The following MLH3 variants were observed in gnomAD, a reference collection of about 807,000 sequenced individuals.
The protein encoded by MLH3 is mutL homolog 3.
Under a neutral mutation model 122.2 loss-of-function variants are expected in MLH3, and 82 were observed. That is an observed-to-expected ratio of 0.67 (90% confidence interval 0.56 to 0.81). The LOEUF is 0.81. MLH3 is among the 30% of genes least tolerant of loss of function. The probability of loss-of-function intolerance (pLI) is 0.00; values close to 1 mark genes in which losing one functional copy is unlikely to be tolerated. For missense variants in MLH3, 1,539 were observed against 1,714.5 expected (o/e 0.90, Z 1.81); for synonymous variants, 524 against 599.5 (o/e 0.87, Z 1.84).
intron 9 of MLH3, among the ~76,000 whole-genome samples, chr14:75,030,037 C>T (rs1408600570): frequency 2.6e-5 from 4 of 151,902 alleles, no homozygotes; most frequent in Non-Finnish European, 5.9e-5. Context: ...GTCTGTAGTC[C>T]GAGTTACTTG....
chr14:75,047,183 G>C lies in MLH3; in HGVS notation c.2473C>G (p.Leu825Val). 6.2e-7 allele frequency: 1 copy of C among 1,614,092 alleles called. No homozygotes were observed. The highest frequency in any genetic ancestry group is 8.5e-7 in the Non-Finnish European group (1 of 1,179,952). ...DSSCQPASHI[L>V]NSEKFPFSKD... ...GAGAATGGAAACTTCTCTGAGTTAAGGATGTGGCTTGCTGGTTGACAACTA... is the reference window on the plus strand; with the variant it reads ...GAGAATGGAAACTTCTCTGAGTTAACGATGTGGCTTGCTGGTTGACAACTA... Residue 825 changes from leucine to valine, a missense_variant, in exon 2 of 13, where the codon CTT (leucine) becomes GTT (valine). By Grantham distance (32) the Leu-to-Val change is conservative. Transcript: ENST00000355774.
Position 75,018,927 on chromosome 14 carries a change from C to A in MLH3, c.4144G>T (p.Glu1382Ter). ...GGCAGCTGGCATGAGGACAGAGCTT[C>A]AATAAGGCGGCAACTTTCCTGTAAG... ...LSLQESCRLI[E>*]ALSSCQLPFQ... Residue 1382 changes from glutamate (E) to a stop codon, truncating the protein, a stop_gained, in exon 12 of 13, where the codon GAA becomes TAA. Coordinates refer to ENST00000355774, the MANE Select transcript of MLH3 (RefSeq NM_001040108.2). LOFTEE classifies it high-confidence loss of function. 2.5e-6 allele frequency: 4 copies of A among 1,614,134 alleles called. No individual in the cohort carries two copies. The highest frequency in any genetic ancestry group is 3.4e-6 in the Non-Finnish European group (4 of 1,180,024).
At chr14:75,027,838 G>C (rs1890759921) in intron 9 of MLH3, among the ~76,000 whole-genome samples, 1 of 152,056 alleles carries the variant, frequency 6.6e-6, no homozygotes, top group South Asian at 2.1e-4. Context: ...TAAAGTACTA[G>C]ACAGCAACAT....
At chr14:75,031,194 T>C (rs1891024214) in intron 8 of MLH3, among the ~76,000 whole-genome samples, 1 of 152,218 alleles carries the variant, frequency 6.6e-6, no homozygotes. Context: ...ACCTGAAACA[T>C]ATTGGGAGAA....
chr14:75,051,445 T>A lies in MLH3; in HGVS notation c.-129A>T, dbSNP rs1329680102. ...CGGACGCCGACGCGCGCACCTTGGATCTTGAGGCTCGTGCGTGCCCACGAG... is the reference window on the plus strand; with the variant it reads ...CGGACGCCGACGCGCGCACCTTGGAACTTGAGGCTCGTGCGTGCCCACGAG... On this transcript the variant is annotated 5_prime_UTR_variant, in exon 1 of 13. Transcript: ENST00000355774. 1.3e-5 allele frequency: 2 copies of A among 152,154 alleles called. No homozygotes were observed. Among genetic ancestry groups the A allele is most frequent in the African/African-American group, 4.8e-5 (2 of 41,452 alleles). 9.4% of individuals were successfully genotyped at this position (152,154 alleles called of 1,614,324 possible).
chr14:75,025,332 T>C (rs1396274515), intron 9 of MLH3, among the ~76,000 whole-genome samples: 1 of 152,212 alleles, frequency 6.6e-6, no homozygotes, highest in Non-Finnish European at 1.5e-5. Context: ...CAGGAAATGA[T>C]TCCACAAGAC....
chr14:75,018,240 G>C (rs1890030424), intron 12 of MLH3, among the ~76,000 whole-genome samples: 1 of 152,196 alleles, frequency 6.6e-6, no homozygotes, highest in African/African-American at 2.4e-5. Flanking sequence ...TTATAACAAG[G>C]ACAGAAGTTC....
chr14:75,022,937 C>A (rs753431556), intron 10 of MLH3, 45 bp from the exon 11 acceptor site: 2 of 1,613,652 alleles, frequency 1.2e-6, no homozygotes, highest in Non-Finnish European at 1.7e-6. Context: ...AACGGAACAA[C>A]GAAGCCTTTT....
At chr14:75,018,714 G>T in intron 12 of MLH3, 115 bp downstream of exon 12, 2 of 1,197,916 alleles carry the variant, frequency 1.7e-6, no homozygotes, top group Non-Finnish European at 2.5e-6. Flanking sequence ...TGCAGATTTT[G>T]CAAAACTCTC....
chr14:75,023,538 A>C (rs1322285528), intron 9 of MLH3, among the ~76,000 whole-genome samples: 1 of 152,206 alleles, frequency 6.6e-6, no homozygotes, highest in African/African-American at 2.4e-5. Flanking sequence ...CCTTCAGGTC[A>C]GAAAGTTTAT....
intron 6 of MLH3, among the ~76,000 whole-genome samples, chr14:75,036,360 T>A (rs984357610): frequency 2.2e-4 from 33 of 151,870 alleles, no homozygotes; most frequent in Admixed American, 6.6e-4. Context: ...TTTATTTTAT[T>A]TTTTTGACAG....
intron 9 of MLH3, among the ~76,000 whole-genome samples, chr14:75,023,944 T>A (rs780487106): frequency 3.3e-5 from 5 of 152,186 alleles, no homozygotes; most frequent in Non-Finnish European, 5.9e-5. Flanking sequence ...CTATATTACA[T>A]ATAATTTAAA....
chr14:75,042,015 A>G (rs1891889516), intron 3 of MLH3, among the ~76,000 whole-genome samples: 1 of 152,216 alleles, frequency 6.6e-6, no homozygotes. Context: ...TACCTTATCT[A>G]TTTTTAAACA....
chr14:75,048,197 G>A lies in MLH3; in HGVS notation c.1459C>T (p.His487Tyr), dbSNP rs751198189. The A allele has an allele frequency of 6.2e-7, 1 of 1,613,522 alleles. No individual in the cohort carries two copies. The highest frequency in any genetic ancestry group is 8.5e-7 in the Non-Finnish European group (1 of 1,179,824). The change falls in exon 2 of 13, where the codon CAT becomes TAT. Residue 487 changes from histidine (H) to tyrosine (Y), a missense_variant. Transcript: ENST00000355774. Reference protein sequence around the residue: ...VASEAGENEKHKKSFLEHSSL... With the variant: ...VASEAGENEKYKKSFLEHSSL... ...CTATGTTCCAGGAAAGATTTTTTAT[G>A]TTTCTCATTTTCTCCAGCTTCTGAT...
rs1243217429 is a variant in MLH3, at chr14:75,032,102, T to C, written c.3793A>G (p.Ile1265Val). The change falls in exon 8 of 13, where the codon ATA (isoleucine) becomes GTA (valine). Residue 1265 changes from isoleucine to valine, a missense_variant. Ile to Val is a conservative substitution (Grantham distance 29). Coordinates refer to ENST00000355774, the MANE Select transcript of MLH3 (RefSeq NM_001040108.2). ...CTCCTTTGTTCCTCTGTCACTGTTA[T>C]CTCTAGCGGAGGAATTAGAGTAGAA... ...LSSTLIPPLE[I>V]TVTEEQRRLL... 2.5e-6 allele frequency: 4 copies of C among 1,613,252 alleles called. No homozygotes were observed. The highest frequency in any genetic ancestry group is 4.5e-5 in the East Asian group (2 of 44,884).
Position 75,046,435 on chromosome 14 carries a change from A to G in MLH3, c.3221T>C (p.Ile1074Thr). The change falls in exon 2 of 13, where the codon ATT becomes ACT. Residue 1074 changes from isoleucine to threonine, a missense_variant. By Grantham distance (89) the Ile-to-Thr change is moderately conservative (BLOSUM62 -1). Transcript: ENST00000355774. ...LSTFIAPTEDIQAACTKDLTT... is the reference protein window; with the variant it reads ...LSTFIAPTEDTQAACTKDLTT... Reference sequence around the variant, plus strand: ...CAGGTCTTTAGTACAAGCAGCCTGAATGTCCTCAGTTGGGGCAATGAATGT... The same window carrying G: ...CAGGTCTTTAGTACAAGCAGCCTGAGTGTCCTCAGTTGGGGCAATGAATGT... 1 of 1,614,184 alleles carries G rather than the reference A, an allele frequency of 6.2e-7. No homozygotes were observed. The highest frequency in any genetic ancestry group is 8.5e-7 in the Non-Finnish European group (1 of 1,180,020).
At chr14:75,028,725 C>G (rs541007454) in intron 9 of MLH3, among the ~76,000 whole-genome samples, 1 of 151,496 alleles carries the variant, frequency 6.6e-6, no homozygotes, top group South Asian at 2.1e-4. Flanking sequence ...GCCTGATTTC[C>G]CCAAATCTTA....
intron 9 of MLH3, among the ~76,000 whole-genome samples, chr14:75,024,712 A>C (rs937814736): frequency 6.6e-6 from 1 of 152,218 alleles, no homozygotes; most frequent in African/African-American, 2.4e-5. Context: ...CTTCTTCCAG[A>C]ATCACACAAA....
At chr14:75,019,137 C>T in intron 11 of MLH3, 157 bp from the exon 12 acceptor site, 1 of 693,998 alleles carries the variant, frequency 1.4e-6, no homozygotes, top group Non-Finnish European at 2.5e-6. Context: ...ATAGGCCGGG[C>T]ATGGTGTCTC....
Sources: gnomAD v4.1 joint callset for allele counts (sites outside exome capture counted in the v4.1 genomes callset) on GRCh38, gnomAD v4.1.1 for gene constraint, MANE v1.5 for transcripts, NCBI Gene and HGNC (gene_info 2026-07-23, HGNC 2026-07-21) for gene names.